Variants in HOXA9 observed in about 807,000 individuals in gnomAD.
HOXA9 encodes the protein homeobox protein Hox-A9.
Under a neutral mutation model 19.0 loss-of-function variants are expected in HOXA9, and 18 were observed. The observed-to-expected ratio is 0.95, with a 90% CI of 0.65 to 1.40. The LOEUF (loss-of-function observed/expected upper bound fraction) is 1.40. HOXA9 is among the 40% of genes most tolerant of loss of function. The pLI, the probability that HOXA9 is intolerant of heterozygous loss-of-function variation, is 0.00. For synonymous variants in HOXA9, 198 were observed against 161.1 expected, an observed-to-expected ratio of 1.23 and a Z score of -1.73; for missense variants, 443 against 372.2, an observed-to-expected ratio of 1.19 and a Z score of -1.57.
rs774133022 is a variant in HOXA9 at position 27,164,916 on chromosome 7, T to G, written c.542A>C (p.Glu181Ala). Residue 181 changes from glutamate (E) to alanine (A), a missense_variant, in exon 1 of 2, where the codon GAG becomes GCG. By Grantham distance (107) the Glu-to-Ala change is moderately radical. Transcript: ENST00000343483. Reference sequence around the variant, plus strand: ...GGGCTTGTCTCCGCCGCTCTCATTCTCAGCATTGTTTTCAGAGAAGGCGCC... The same window carrying G: ...GGGCTTGTCTCCGCCGCTCTCATTCGCAGCATTGTTTTCAGAGAAGGCGCC... ...SEGAFSENNA[E>A]NESGGDKPPI... 1 of 1,614,242 alleles carries G rather than the reference T, an allele frequency of 6.2e-7. No individual in the cohort carries two copies. The highest frequency in any genetic ancestry group is 1.1e-5 in the South Asian group (1 of 91,092).
chr7:27,164,825 T>C, intron 1 of HOXA9, 53 bp downstream of exon 1: 1 of 1,576,294 alleles, frequency 6.3e-7, no homozygotes, highest in South Asian at 1.2e-5. Flanking sequence ...GGCCAGCAGA[T>C]CCGGGAGGCC....
Position 27,163,588 on chromosome 7 carries a change from T to C in HOXA9, c.*15A>G. 1.3e-6 allele frequency: 2 copies of C among 1,585,742 alleles called. No homozygotes were observed. Among genetic ancestry groups the C allele is most frequent in the Non-Finnish European group, 1.7e-6 (2 of 1,157,634 alleles). On this transcript the variant is annotated 3_prime_UTR_variant, in exon 2 of 2. Transcript: ENST00000343483. The stretch of plus-strand genomic sequence containing the variant: ...TCTCTAGCTTACCCTTTTTTCTAAA[T>C]AAGCCCAAATGGCATCACTCGTCTT...
At position 27,163,797 on chromosome 7, in the gene HOXA9, T is replaced by G. The variant is rs1783255264; in HGVS notation, c.625A>C (p.Lys209Gln). ...TGGTGTTTTGTATAGGGGCACCGCTTTTTCCGAGTGGAGCGCGCATGAAGC... is the reference window on the plus strand; with the variant it reads ...TGGTGTTTTGTATAGGGGCACCGCTGTTTCCGAGTGGAGCGCGCATGAAGC... ...NWLHARSTRK[K>Q]RCPYTKHQTL... The change falls in exon 2 of 2, where the codon AAG becomes CAG. Residue 209 changes from lysine (K) to glutamine (Q), a missense_variant. Transcript: ENST00000343483. 2 of 1,614,014 alleles carry G rather than the reference T, an allele frequency of 1.2e-6. No homozygotes were observed. Among genetic ancestry groups the G allele is most frequent in the Middle Eastern group, 3.3e-4 (2 of 6,062 alleles).
rs1218978247 is a variant in HOXA9 at position 27,163,408 on chromosome 7, C to G, written c.*195G>C. On this transcript the variant is annotated 3_prime_UTR_variant, in exon 2 of 2. Transcript: ENST00000343483. Reference sequence around the variant, plus strand: ...GGAAAGCTTACAATACCTCCTCCATCAAAGCGGCAGGCCTACGAGCCAGCC... The same window carrying G: ...GGAAAGCTTACAATACCTCCTCCATGAAAGCGGCAGGCCTACGAGCCAGCC... The G allele has an allele frequency of 6.6e-6, 4 of 607,792 alleles. No individual in the cohort carries two copies. The highest frequency in any genetic ancestry group is 1.2e-5 in the Non-Finnish European group (4 of 341,208). 37.6% of individuals were successfully genotyped at this position (607,792 alleles called of 1,614,324 possible).
Position 27,163,812 on chromosome 7 carries a change from G to A in HOXA9, c.610C>T (p.Arg204Cys). 2 of 1,613,976 alleles carry A rather than the reference G, an allele frequency of 1.2e-6. No individual in the cohort carries two copies. Among genetic ancestry groups the A allele is most frequent in the Non-Finnish European group, 8.5e-7 (1 of 1,179,982 alleles). The change falls in exon 2 of 2, where the codon CGC becomes TGC. Residue 204 changes from arginine to cysteine, a missense_variant. By Grantham distance (180) the Arg-to-Cys change is radical. Coordinates refer to ENST00000343483, the MANE Select transcript of HOXA9 (RefSeq NM_152739.4). ...NNPAANWLHARSTRKKRCPYT... is the reference protein window; with the variant it reads ...NNPAANWLHACSTRKKRCPYT... ...GGGCACCGCTTTTTCCGAGTGGAGC[G>A]CGCATGAAGCCAGTTGGCTGCTGGG...
chr7:27,162,720 A>G lies in HOXA9; in HGVS notation c.*883T>C, dbSNP rs1783224804. 2 of 209,752 alleles carry G rather than the reference A, an allele frequency of 9.5e-6. No individual in the cohort carries two copies. The highest frequency in any genetic ancestry group is 1.4e-4 in the East Asian group (2 of 13,804). 13.0% of individuals were successfully genotyped at this position (209,752 alleles called of 1,614,324 possible). On this transcript the variant is annotated 3_prime_UTR_variant, in exon 2 of 2. Transcript: ENST00000343483. ...GTAGTAACCTTCTGCACATATGTAT[A>G]GCTCCGAATTTCCTCACTGTTCGTC... is the stretch of plus-strand genomic sequence containing the variant.
intron 1 of HOXA9, 28 bp from the exon 2 acceptor site, chr7:27,163,869 G>A (rs748545530): frequency 6.3e-7 from 1 of 1,586,140 alleles, no homozygotes; most frequent in Non-Finnish European, 8.6e-7. Flanking sequence ...ACTGGGTTTA[G>A]GAGCAGAAGA....
In HOXA9 at chr7:27,165,265, C is replaced by G; in HGVS notation, c.193G>C (p.Ala65Pro). The change falls in exon 1 of 2, where the codon GCC (alanine) becomes CCC (proline). Residue 65 changes from alanine to proline, a missense_variant. By Grantham distance (27) the Ala-to-Pro change is conservative. Transcript: ENST00000343483. ...GCCGCGTGCACTGGGTTCCACGAGG[C>G]GCCAAACACCGTCGCCTTGGACTGG... The part of the protein sequence containing the change: ...SFQSKATVFG[A>P]SWNPVHAAGA... 1.9e-6 allele frequency: 3 copies of G among 1,558,496 alleles called. No homozygotes were observed. Among genetic ancestry groups the G allele is most frequent in the Admixed American group, 3.9e-5 (2 of 51,178 alleles).
In HOXA9 at chr7:27,162,916, ATTT is replaced by A; in HGVS notation, c.*684_*686del. 5.1e-6 allele frequency: 1 copy of A among 197,416 alleles called. No homozygotes were observed. The highest frequency in any genetic ancestry group is 6.1e-5 in the Admixed American group (1 of 16,408). 12.2% of individuals were successfully genotyped at this position (197,416 alleles called of 1,614,324 possible). ...CTATGCATCCCCGAGAACACTTAAA[ATTT>A]TTTTTTATTTCACTGGGAAATTCTT... On this transcript the variant is annotated 3_prime_UTR_variant, in exon 2 of 2. Coordinates refer to ENST00000343483, the MANE Select transcript of HOXA9 (RefSeq NM_152739.4).
At chr7:27,164,854 G>A in intron 1 of HOXA9, 24 bp downstream of exon 1, 1 of 1,599,888 alleles carries the variant, frequency 6.3e-7, no homozygotes, top group East Asian at 2.2e-5. Flanking sequence ...GGCGGCGGCG[G>A]ATTTGAAGGG....
In HOXA9 at chr7:27,163,660, G is replaced by C; in HGVS notation, c.762C>G (p.Phe254Leu). 6.2e-7 allele frequency: 1 copy of C among 1,613,576 alleles called. No individual in the cohort carries two copies. Among genetic ancestry groups the C allele is most frequent in the East Asian group, 2.2e-5 (1 of 44,830 alleles). ...TCTTCATTTTCATCCTGCGGTTCTG[G>C]AACCAGATCTTGACCTGCCTCTCGG... The part of the protein sequence containing the change: ...NLTERQVKIW[F>L]QNRRMKMKKI... The change falls in exon 2 of 2, where the codon TTC (phenylalanine) becomes TTG (leucine). Residue 254 changes from phenylalanine (F) to leucine (L), a missense_variant. Physicochemically the swap from Phe to Leu is conservative, Grantham distance 22. Transcript: ENST00000343483.
rs936657326 is a variant in HOXA9 at position 27,165,518 on chromosome 7, T to A, written c.-61A>T. On this transcript the variant is annotated 5_prime_UTR_variant, in exon 1 of 2. The change creates a premature stop within an existing upstream ORF in the 5' untranslated region. Coordinates refer to ENST00000343483, the MANE Select transcript of HOXA9 (RefSeq NM_152739.4). ...CACGGAAATTATGAAACTGCAGATT[T>A]CATGTAACAACTTGGTGGCACCGGG... 8 of 1,478,646 alleles carry A rather than the reference T, an allele frequency of 5.4e-6. No individual in the cohort carries two copies. In the Admixed American group the frequency reaches 2.0e-4, roughly 36 times the overall value. 91.6% of individuals were successfully genotyped at this position (1,478,646 alleles called of 1,614,324 possible). A position where few individuals can be genotyped will look rare whatever the true frequency, so the allele number is the denominator to read the frequency against.
At position 27,163,484 on chromosome 7, in the gene HOXA9, T is replaced by C; in HGVS notation, c.*119A>G. ...TGTGGCCTGAGGTTTAGAGCCGCTT[T>C]GTGCGGGGATGGTGGAGGCTAGGGT... is the stretch of plus-strand genomic sequence containing the variant. On this transcript the variant is annotated 3_prime_UTR_variant, in exon 2 of 2. Coordinates refer to ENST00000343483, the MANE Select transcript of HOXA9 (RefSeq NM_152739.4). The C allele has an allele frequency of 1.2e-6, 1 of 835,770 alleles. No individual in the cohort carries two copies. The highest frequency in any genetic ancestry group is 2.4e-5 in the East Asian group (1 of 41,110). The allele number at this position is 835,770 out of a possible 1,614,324, so 51.8% of individuals were successfully genotyped here. A position where few individuals can be genotyped will look rare whatever the true frequency, so the allele number is the denominator to read the frequency against.
In HOXA9 at chr7:27,165,076, G is replaced by A. The variant is rs1783290197; in HGVS notation, c.382C>T (p.Arg128Trp). 2 of 1,613,716 alleles carry A rather than the reference G, an allele frequency of 1.2e-6. No homozygotes were observed. Among genetic ancestry groups the A allele is most frequent in the African/African-American group, 1.3e-5 (1 of 74,942 alleles). The change falls in exon 1 of 2, where the codon CGG becomes TGG. Residue 128 changes from arginine to tryptophan, a missense_variant. Coordinates refer to ENST00000343483, the MANE Select transcript of HOXA9 (RefSeq NM_152739.4). The stretch of plus-strand genomic sequence containing the variant: ...GGTTCAGGTTTAATGCCATAAGGCC[G>A]GCTGGAGGGCAAGCCCGCGAAGGAG... ...ALSFAGLPSS[R>W]PYGIKPEPLS...
chr7:27,163,548 A>C lies in HOXA9; in HGVS notation c.*55T>G. On this transcript the variant is annotated 3_prime_UTR_variant, in exon 2 of 2. Coordinates refer to ENST00000343483, the MANE Select transcript of HOXA9 (RefSeq NM_152739.4). ...GGGAGAAGGCGGAAGGGGGACGGACAGTTCTTTCTTTTTCTCTCTAGCTTA... is the reference window on the plus strand; with the variant it reads ...GGGAGAAGGCGGAAGGGGGACGGACCGTTCTTTCTTTTTCTCTCTAGCTTA... 9.5e-5 allele frequency: 119 copies of C among 1,249,662 alleles called. No homozygotes were observed. The highest frequency in any genetic ancestry group is 1.2e-4 in the Non-Finnish European group (104 of 862,192). The allele number at this position is 1,249,662 out of a possible 1,614,324, so 77.4% of individuals were successfully genotyped here.
chr7:27,162,859 C>T lies in HOXA9; in HGVS notation c.*744G>A, dbSNP rs569929002. On this transcript the variant is annotated 3_prime_UTR_variant, in exon 2 of 2. Coordinates refer to ENST00000343483, the MANE Select transcript of HOXA9 (RefSeq NM_152739.4). ...TATAGATAATGGACAGACTTAAATG[C>T]CCGCATTTTTAAGGTGGAGAAAATG... The T allele has an allele frequency of 2.0e-5, 4 of 199,064 alleles. No individual in the cohort carries two copies. Among genetic ancestry groups the T allele is most frequent in the South Asian group, 1.9e-4 (1 of 5,198 alleles). The allele number at this position is 199,064 out of a possible 1,614,324, so 12.3% of individuals were successfully genotyped here.
chr7:27,164,704 C>T (rs1230895462), intron 1 of HOXA9, among the ~76,000 whole-genome samples, 174 bp downstream of exon 1: 1 of 152,254 alleles, frequency 6.6e-6, no homozygotes, highest in African/African-American at 2.4e-5. Context: ...CTTCACTGCT[C>T]TCCAGACTTG....
At chr7:27,163,996 G>C (rs1321768154) in intron 1 of HOXA9, among the ~76,000 whole-genome samples, 155 bp from the exon 2 acceptor site, 2 of 152,156 alleles carry the variant, frequency 1.3e-5, no homozygotes, top group South Asian at 4.1e-4. Flanking sequence ...AACCCTGGCA[G>C]ACAGACGCAC....
In HOXA9 at chr7:27,162,944, T is replaced by C. The variant is rs1183254800; in HGVS notation, c.*659A>G. 2.5e-5 allele frequency: 5 copies of C among 198,784 alleles called. No homozygotes were observed. The highest frequency in any genetic ancestry group is 4.2e-5 in the Non-Finnish European group (4 of 96,196). 12.3% of individuals were successfully genotyped at this position (198,784 alleles called of 1,614,324 possible). On this transcript the variant is annotated 3_prime_UTR_variant, in exon 2 of 2. Transcript: ENST00000343483. ...TTTTTTTATTTCACTGGGAAATTCTTACAGCTACTTTACAATCATAGGTTA... is the reference window on the plus strand; with the variant it reads ...TTTTTTTATTTCACTGGGAAATTCTCACAGCTACTTTACAATCATAGGTTA...
Sources: gnomAD v4.1 joint callset for allele counts (sites outside exome capture counted in the v4.1 genomes callset) on GRCh38, gnomAD v4.1.1 for gene constraint, MANE v1.5 for transcripts, NCBI Gene and HGNC (gene_info 2026-07-23, HGNC 2026-07-21) for gene names.